The following KIAA1328 variants were observed in gnomAD, a reference collection of about 807,000 sequenced individuals.
The protein encoded by KIAA1328 is KIAA1328.
Under a neutral mutation model 68.1 loss-of-function variants are expected in KIAA1328, and 52 were observed. The observed-to-expected ratio is 0.76, with a 90% CI of 0.61 to 0.96. KIAA1328 has a LOEUF of 0.96. Ranked by LOEUF, KIAA1328 falls within the 40% of genes least tolerant of loss-of-function variation. The pLI, the probability that KIAA1328 is intolerant of heterozygous loss-of-function variation, is 0.00. For missense variants in KIAA1328, 641 were observed against 677.6 expected (o/e 0.95, Z 0.60); for synonymous variants, 232 against 239.4 (o/e 0.97, Z 0.28).
chr18:37,172,388 A>G (rs1041888578), intron 8 of KIAA1328, among the ~76,000 whole-genome samples: 5 of 152,222 alleles, frequency 3.3e-5, no homozygotes, highest in African/African-American at 1.2e-4. Context: ...CAAACTAAAC[A>G]TTGCTTGTTG....
intron 6 of KIAA1328, among the ~76,000 whole-genome samples, chr18:37,006,797 C>T (rs2053801928): frequency 6.6e-6 from 1 of 152,020 alleles, no homozygotes; most frequent in Non-Finnish European, 1.5e-5. Flanking sequence ...TTTTAAGAGG[C>T]AATCAGGTGA....
At chr18:36,910,940 C>T (rs1239723827) in intron 5 of KIAA1328, among the ~76,000 whole-genome samples, 1 of 152,020 alleles carries the variant, frequency 6.6e-6, no homozygotes, top group African/African-American at 2.4e-5. Flanking sequence ...ACTAATCCAC[C>T]TCCTAGCTGC....
At chr18:37,182,392 A>G (rs896886248) in intron 9 of KIAA1328, among the ~76,000 whole-genome samples, 2 of 152,176 alleles carry the variant, frequency 1.3e-5, no homozygotes, top group Admixed American at 1.3e-4. Flanking sequence ...CCTAGGTTTG[A>G]ATGCTAGCTA....
chr18:37,193,032 G>A (rs954870383), intron 9 of KIAA1328, among the ~76,000 whole-genome samples: 6 of 152,072 alleles, frequency 3.9e-5, no homozygotes, highest in Admixed American at 2.0e-4. Context: ...CTGAGATCAA[G>A]TTCATTGTTG....
intron 9 of KIAA1328, among the ~76,000 whole-genome samples, chr18:37,194,824 C>G (rs2059973301): frequency 6.6e-6 from 1 of 152,090 alleles, no homozygotes. Flanking sequence ...CCACGCCCAG[C>G]TAATTTTTGT....
intron 7 of KIAA1328, among the ~76,000 whole-genome samples, chr18:37,121,416 T>TTCTTTCTA (rs2058265574): frequency 6.7e-6 from 1 of 148,708 alleles, no homozygotes; most frequent in Admixed American, 6.8e-5. Flanking sequence ...ATTTTAGGAC[T>TTCTTTCTA]TCTATCTATC....
At chr18:37,041,656 G>GTA (rs2151625504) in intron 6 of KIAA1328, among the ~76,000 whole-genome samples, 1 of 151,524 alleles carries the variant, frequency 6.6e-6, no homozygotes, top group Non-Finnish European at 1.5e-5. Context: ...GTGTGTGTGT[G>GTA]TGTGTGTGTG....
intron 5 of KIAA1328, among the ~76,000 whole-genome samples, chr18:36,940,674 CTTTTTTTTTT>C (rs1272164052): frequency 7.8e-6 from 1 of 127,698 alleles, no homozygotes; most frequent in Non-Finnish European, 1.7e-5. Context: ...GCTCATTTTA[CTTTTTTTTTT>C]TTTTTTTTTT....
intron 6 of KIAA1328, among the ~76,000 whole-genome samples, chr18:37,025,873 C>T (rs2054554615): frequency 6.6e-6 from 1 of 152,076 alleles, no homozygotes; most frequent in South Asian, 2.1e-4. Flanking sequence ...TAACTAAGAT[C>T]AGAGCAGAAC....
intron 5 of KIAA1328, among the ~76,000 whole-genome samples, chr18:36,941,393 G>A (rs115840593): frequency 0.014 from 2,160 of 152,100 alleles, 51 homozygotes; most frequent in African/African-American, 0.05. Context: ...TCAGGAGTTC[G>A]AGACTAGCGT....
intron 7 of KIAA1328, among the ~76,000 whole-genome samples, chr18:37,072,044 C>T (rs2056552462): frequency 6.6e-6 from 1 of 152,058 alleles, no homozygotes. Context: ...AAATAAGTTA[C>T]AGAATAATTT....
chr18:36,932,941 C>T (rs1276519323), intron 5 of KIAA1328, among the ~76,000 whole-genome samples: 1 of 152,126 alleles, frequency 6.6e-6, no homozygotes, highest in Non-Finnish European at 1.5e-5. Context: ...TTAGCGGACA[C>T]AAATACAAAA....
At chr18:37,174,947 A>T (rs1045034068) in intron 9 of KIAA1328, among the ~76,000 whole-genome samples, 4 of 152,170 alleles carry the variant, frequency 2.6e-5, no homozygotes, top group Non-Finnish European at 4.4e-5. Flanking sequence ...CTGGGATTAC[A>T]GGTGTGAGCC....
At chr18:36,859,528 C>T (rs1413722555) in intron 4 of KIAA1328, among the ~76,000 whole-genome samples, 1 of 150,036 alleles carries the variant, frequency 6.7e-6, no homozygotes, top group African/African-American at 2.4e-5. Context: ...TCCCTCCCTC[C>T]CTCCCTCCCT....
intron 3 of KIAA1328, among the ~76,000 whole-genome samples, chr18:36,839,692 T>C (rs2046795352): frequency 6.6e-6 from 1 of 152,148 alleles, no homozygotes; most frequent in South Asian, 2.1e-4. Flanking sequence ...TTGGAAGCAA[T>C]TTGATTCTTT....
At chr18:36,888,354 C>T (rs1475957153) in intron 5 of KIAA1328, among the ~76,000 whole-genome samples, 1 of 152,018 alleles carries the variant, frequency 6.6e-6, no homozygotes, top group Non-Finnish European at 1.5e-5. Context: ...TAAAGGTTTG[C>T]TGGTTCATGA....
chr18:37,096,274 G>A (rs1055255022), intron 7 of KIAA1328, among the ~76,000 whole-genome samples: 11 of 152,046 alleles, frequency 7.2e-5, no homozygotes, highest in African/African-American at 2.7e-4. Context: ...TCCCCTTCCT[G>A]TGTCCATGTG....
intron 7 of KIAA1328, among the ~76,000 whole-genome samples, chr18:37,069,058 AC>A (rs1408933058): frequency 4.6e-5 from 7 of 152,036 alleles, no homozygotes; most frequent in African/African-American, 1.4e-4. Flanking sequence ...TTTGTCAAAT[AC>A]CTTTTATGAA....
rs773556341 is a variant in KIAA1328 at position 37,160,154 on chromosome 18, G to A, written c.1233-46G>A. 10 of 1,516,998 alleles carry A rather than the reference G, an allele frequency of 6.6e-6. No individual in the cohort carries two copies. In the South Asian group the frequency reaches 1.2e-4, roughly 19 times the overall value. The allele number at this position is 1,516,998 out of a possible 1,614,324, so 94.0% of individuals were successfully genotyped here. On this transcript the variant is annotated intron_variant, in intron 7 of 9. Coordinates refer to ENST00000280020, the MANE Select transcript of KIAA1328 (RefSeq NM_020776.3). ...GAATTTAAATATCTATGTGCTCTGT[G>A]TTCCCTTCTGTGCCTTCAACAGTTC...
Sources: gnomAD v4.1 joint callset for allele counts (sites outside exome capture counted in the v4.1 genomes callset) on GRCh38, gnomAD v4.1.1 for gene constraint, MANE v1.5 for transcripts, NCBI Gene and HGNC (gene_info 2026-07-23, HGNC 2026-07-21) for gene names.